ITGA8: variants seen among roughly 807,000 people sequenced by gnomAD.
ITGA8 encodes the protein integrin alpha-8.
In ITGA8, 91 loss-of-function variants were observed where a neutral mutation model predicts 142.3. That is an observed-to-expected ratio of 0.64 (90% CI 0.54 to 0.76). ITGA8 has a LOEUF of 0.76. Ranked by LOEUF, ITGA8 falls within the 30% of genes least tolerant of loss-of-function variation. The pLI is 0.00. For missense variants in ITGA8, 1,406 were observed against 1,327.7 expected, an observed-to-expected ratio of 1.06 and a Z score of -0.92; for synonymous variants, 505 against 485.2, an observed-to-expected ratio of 1.04 and a Z score of -0.54.
At chr10:15,572,498 G>A in intron 24 of ITGA8, 129 bp from the exon 25 acceptor site, 1 of 803,128 alleles carries the variant, frequency 1.2e-6, no homozygotes, top group Non-Finnish European at 1.9e-6. Flanking sequence ...CTATGACTAT[G>A]GAAAATAAGA....
intron 14 of ITGA8, among the ~76,000 whole-genome samples, chr10:15,615,087 T>C (rs567074277): frequency 1.8e-4 from 28 of 152,306 alleles, no homozygotes; most frequent in Non-Finnish European, 3.4e-4. Flanking sequence ...CAGGCCTGCA[T>C]TTGTGTTCTT....
intron 15 of ITGA8, among the ~76,000 whole-genome samples, chr10:15,612,046 A>G (rs1267115402): frequency 1.3e-5 from 2 of 152,198 alleles, no homozygotes; most frequent in East Asian, 3.9e-4. Flanking sequence ...TTCATTGTTC[A>G]TTTAATCATG....
chr10:15,555,636 C>A (rs10752399), intron 26 of ITGA8, among the ~76,000 whole-genome samples: 65,388 of 151,796 alleles, frequency 0.43, 16,887 homozygotes, highest in Non-Finnish European at 0.57. Flanking sequence ...GTGACTGCTG[C>A]CCCTGTAGAA....
At chr10:15,694,801 TAGTGACTTGTGGCACTCAGGA>T (rs562854703) in intron 2 of ITGA8, among the ~76,000 whole-genome samples, 1 of 150,260 alleles carries the variant, frequency 6.7e-6, no homozygotes, top group South Asian at 2.1e-4. Flanking sequence ...ATGTTGTTAG[TAGTGACTTGTGGCACTCAGGA>T]ATGAACTTAT....
chr10:15,619,949 C>CATTTT (rs1763282743), intron 13 of ITGA8, among the ~76,000 whole-genome samples: 2 of 152,310 alleles, frequency 1.3e-5, no homozygotes, highest in South Asian at 4.1e-4. Flanking sequence ...TAAGATTAGA[C>CATTTT]ATTTTATAAA....
chr10:15,687,927 C>A lies in ITGA8; in HGVS notation c.444+11G>T, dbSNP rs11253604. The A allele has an allele frequency of 6.5e-7, 1 of 1,550,076 alleles. No homozygotes were observed. The highest frequency in any genetic ancestry group is 8.9e-7 in the Non-Finnish European group (1 of 1,121,588). On this transcript the variant is annotated intron_variant, in intron 3 of 29. Transcript: ENST00000378076. ...CCAAAGCAGCAGCACAAGCCCACGG[C>A]TCATACTCACCACAACTTTTCCTTT...
intron 24 of ITGA8, among the ~76,000 whole-genome samples, chr10:15,574,699 AT>A (rs1834250595): frequency 1.6e-5 from 2 of 123,982 alleles, no homozygotes; most frequent in African/African-American, 5.5e-5. Flanking sequence ...GCTTTTATAT[AT>A]ATGTATATAT....
intron 5 of ITGA8, among the ~76,000 whole-genome samples, chr10:15,678,456 A>G (rs1415592706): frequency 2.6e-5 from 4 of 152,212 alleles, no homozygotes; most frequent in African/African-American, 9.6e-5. Flanking sequence ...TATTGCCACA[A>G]AGGATCAGAA....
At chr10:15,701,085 A>G (rs947821808) in intron 2 of ITGA8, among the ~76,000 whole-genome samples, 5 of 152,186 alleles carry the variant, frequency 3.3e-5, no homozygotes, top group Admixed American at 2.6e-4. Context: ...CCAAGTTCCC[A>G]TCTATTCATT....
At chr10:15,637,383 C>A (rs568517274) in intron 13 of ITGA8, among the ~76,000 whole-genome samples, 6 of 151,968 alleles carry the variant, frequency 3.9e-5, no homozygotes, top group African/African-American at 1.5e-4. Context: ...CCCCATCATA[C>A]CAGATAAAGA....
In ITGA8 at chr10:15,649,725, T is replaced by C. The variant is rs147860478; in HGVS notation, c.1002-2674A>G. Among the ~76,000 whole-genome samples, 334 of 152,158 alleles carry C rather than the reference T, an allele frequency of 2.2e-3. 3 individuals are homozygous for C. The highest frequency in any genetic ancestry group is 4.2e-3 in the Non-Finnish European group (283 of 68,002). On this transcript the variant is annotated intron_variant, in intron 11 of 29. Coordinates refer to ENST00000378076, the MANE Select transcript of ITGA8 (RefSeq NM_003638.3). ...ACTCAATATAATATGTCGTTAGGAA[T>C]TGCAAATTAAAACCACAATGAGATA... is the stretch of plus-strand genomic sequence containing the variant.
chr10:15,533,577 C>A (rs955124817), intron 27 of ITGA8, among the ~76,000 whole-genome samples: 3 of 152,130 alleles, frequency 2.0e-5, no homozygotes, highest in Non-Finnish European at 4.4e-5. Context: ...TTTCCATGCT[C>A]CCAAACCTCC....
At chr10:15,589,205 C>T (rs941283508) in intron 22 of ITGA8, among the ~76,000 whole-genome samples, 13 of 152,166 alleles carry the variant, frequency 8.5e-5, no homozygotes, top group Admixed American at 2.6e-4. Context: ...TTTATTACTC[C>T]AATGCTATTT....
chr10:15,699,670 G>T (rs1042654259), intron 2 of ITGA8, among the ~76,000 whole-genome samples: 2 of 152,106 alleles, frequency 1.3e-5, no homozygotes, highest in African/African-American at 4.8e-5. Context: ...ATGTACAAGG[G>T]TTTCTCTCCA....
At chr10:15,644,481 TATATATATATAGA>T (rs1342268601) in intron 12 of ITGA8, among the ~76,000 whole-genome samples, 2 of 22,328 alleles carry the variant, frequency 9.0e-5, no homozygotes, top group Admixed American at 8.7e-4. Flanking sequence ...TATATATATA[TATATATATATAGA>T]ATTTTTTTTT....
intron 6 of ITGA8, among the ~76,000 whole-genome samples, chr10:15,675,274 A>G (rs927531493): frequency 6.6e-6 from 1 of 152,192 alleles, no homozygotes; most frequent in Non-Finnish European, 1.5e-5. Context: ...TAAACTCATC[A>G]TCTTCCCTCT....
chr10:15,558,006 A>G (rs1382304298), intron 26 of ITGA8, 68 bp downstream of exon 26: 14 of 1,563,346 alleles, frequency 9.0e-6, no homozygotes, highest in Non-Finnish European at 9.7e-6. Flanking sequence ...AGTTAAAACT[A>G]TCTGTATTTG....
intron 23 of ITGA8, among the ~76,000 whole-genome samples, chr10:15,580,102 T>TTA (rs1834378414): frequency 8.6e-6 from 1 of 116,132 alleles, no homozygotes; most frequent in Admixed American, 1.0e-4. Flanking sequence ...ATCACTAAAC[T>TTA]CTAGCCAGAC....
chr10:15,626,508 T>C (rs897992376), intron 13 of ITGA8, among the ~76,000 whole-genome samples: 1 of 152,148 alleles, frequency 6.6e-6, no homozygotes, highest in Admixed American at 6.5e-5. Flanking sequence ...CATGAGCCAC[T>C]GCACCCGGCC....
Sources: allele counts gnomAD v4.1 joint callset (sites outside exome capture counted in the v4.1 genomes callset), GRCh38; gene constraint gnomAD v4.1.1; transcripts MANE v1.5; gene names NCBI Gene and HGNC (gene_info 2026-07-23, HGNC 2026-07-21).